Variants in GRIA1 observed in about 807,000 individuals in gnomAD.
GRIA1 encodes the protein glutamate ionotropic receptor AMPA type subunit 1.
A neutral mutation model predicts 99.2 loss-of-function variants in GRIA1; 31 were observed. That is an observed-to-expected ratio of 0.31 (90% CI 0.23 to 0.42). The LOEUF (loss-of-function observed/expected upper bound fraction) is 0.42, where lower values mean the gene tolerates loss of function less well. Among genes scored for constraint, GRIA1 ranks in the 10% least tolerant of loss-of-function variants. The pLI, the probability that GRIA1 is intolerant of heterozygous loss-of-function variation, is 1.00. For missense variants in GRIA1, 782 were observed against 1,157.5 expected (o/e 0.68, Z 4.71); for synonymous variants, 438 against 432.4 (o/e 1.01, Z -0.16).
intron 11 of GRIA1, among the ~76,000 whole-genome samples, chr5:153,739,952 A>G (rs1418048173): frequency 6.6e-6 from 1 of 152,248 alleles, no homozygotes; most frequent in Non-Finnish European, 1.5e-5. Flanking sequence ...CATTTCCATT[A>G]TGATTTATGA....
At chr5:153,693,013 G>A (rs561683559) in intron 8 of GRIA1, among the ~76,000 whole-genome samples, 2 of 152,220 alleles carry the variant, frequency 1.3e-5, no homozygotes, top group South Asian at 4.2e-4. Context: ...GATAATCCTA[G>A]GTGCTGTAAC....
chr5:153,506,659 C>T (rs1755535222), intron 2 of GRIA1, among the ~76,000 whole-genome samples: 1 of 152,074 alleles, frequency 6.6e-6, no homozygotes, highest in Non-Finnish European at 1.5e-5. Context: ...AATGCAAGCC[C>T]TCTGTTTAAT....
intron 2 of GRIA1, among the ~76,000 whole-genome samples, chr5:153,549,765 T>TTC (rs1759963100): frequency 6.6e-6 from 1 of 152,022 alleles, no homozygotes; most frequent in Non-Finnish European, 1.5e-5. Context: ...AGATCTTTTT[T>TTC]CTACTGTTAT....
chr5:153,502,437 T>A (rs1416384730), intron 2 of GRIA1, among the ~76,000 whole-genome samples: 6 of 152,218 alleles, frequency 3.9e-5, no homozygotes, highest in Non-Finnish European at 8.8e-5. Flanking sequence ...GGATGGTTAT[T>A]ACTGTGTAGC....
At chr5:153,664,955 A>G (rs528186263) in intron 5 of GRIA1, among the ~76,000 whole-genome samples, 3 of 152,280 alleles carry the variant, frequency 2.0e-5, no homozygotes, top group African/African-American at 7.2e-5. Flanking sequence ...TTGATCATGT[A>G]AAGGGTAGAT....
intron 11 of GRIA1, among the ~76,000 whole-genome samples, chr5:153,719,626 C>A (rs1759915711): frequency 6.6e-6 from 1 of 152,014 alleles, no homozygotes; most frequent in Non-Finnish European, 1.5e-5. Context: ...AGCTGTATCA[C>A]CTTTCATAAC....
chr5:153,572,697 A>T (rs1762217167), intron 2 of GRIA1, among the ~76,000 whole-genome samples: 1 of 152,150 alleles, frequency 6.6e-6, no homozygotes, highest in Admixed American at 6.5e-5. Context: ...TACTGATCAG[A>T]TCCAAAGAAG....
At chr5:153,732,064 G>A (rs1482920458) in intron 11 of GRIA1, among the ~76,000 whole-genome samples, 1 of 151,962 alleles carries the variant, frequency 6.6e-6, no homozygotes, top group African/African-American at 2.4e-5. Context: ...GTCACAAATT[G>A]TAGGATGTAC....
intron 2 of GRIA1, among the ~76,000 whole-genome samples, chr5:153,573,877 G>A (rs1324322031): frequency 6.6e-6 from 1 of 152,190 alleles, no homozygotes; most frequent in Admixed American, 6.6e-5. Context: ...CTCTGTCCCA[G>A]TCCAACCTTC....
At chr5:153,643,412 C>T (rs1035099898) in intron 2 of GRIA1, among the ~76,000 whole-genome samples, 4 of 152,166 alleles carry the variant, frequency 2.6e-5, no homozygotes, top group Non-Finnish European at 5.9e-5. Context: ...TCTACAGAAC[C>T]ATGTTATCTC....
At chr5:153,573,051 C>T (rs758638437) in intron 2 of GRIA1, among the ~76,000 whole-genome samples, 3 of 152,164 alleles carry the variant, frequency 2.0e-5, no homozygotes, top group Non-Finnish European at 4.4e-5. Flanking sequence ...AATAGGGCCA[C>T]GTTGAGTGAC....
intron 11 of GRIA1, 168 bp downstream of exon 11, chr5:153,706,235 A>T: frequency 1.5e-6 from 1 of 677,154 alleles, no homozygotes; most frequent in Non-Finnish European, 2.5e-6. Context: ...GCTGTGGATT[A>T]TCTGGATCAT....
intron 14 of GRIA1, among the ~76,000 whole-genome samples, chr5:153,798,653 G>A (rs1187329015): frequency 6.6e-6 from 1 of 152,204 alleles, no homozygotes; most frequent in East Asian, 1.9e-4. Flanking sequence ...GAAGTCACTG[G>A]TCTGACGGCC....
intron 4 of GRIA1, among the ~76,000 whole-genome samples, chr5:153,653,361 G>T (rs1354162275): frequency 3.3e-5 from 5 of 152,188 alleles, no homozygotes; most frequent in African/African-American, 1.2e-4. Context: ...CTGAGTGATG[G>T]ATGCTGAGCG....
intron 2 of GRIA1, among the ~76,000 whole-genome samples, chr5:153,621,193 G>A (rs13358432): frequency 0.026 from 3,987 of 152,184 alleles, 198 homozygotes; most frequent in African/African-American, 0.091. Flanking sequence ...GGCTTTCTGT[G>A]GCATCTATAT....
At chr5:153,493,851 A>G in intron 1 of GRIA1, 77 bp from the exon 2 acceptor site, 1 of 1,446,474 alleles carries the variant, frequency 6.9e-7, no homozygotes, top group East Asian at 2.3e-5. Flanking sequence ...GAAGAAAAGG[A>G]CTCATCTGGA....
intron 14 of GRIA1, among the ~76,000 whole-genome samples, chr5:153,800,044 A>G (rs1227086319): frequency 6.6e-6 from 1 of 152,176 alleles, no homozygotes; most frequent in Non-Finnish European, 1.5e-5. Flanking sequence ...GCTATCCACA[A>G]CCAAGGTAAA....
At chr5:153,659,993 G>C (rs1755241554) in intron 5 of GRIA1, among the ~76,000 whole-genome samples, 1 of 152,076 alleles carries the variant, frequency 6.6e-6, no homozygotes, top group East Asian at 1.9e-4. Context: ...ATACTACCGG[G>C]TTTTGGATGT....
At chr5:153,672,543 G>C (rs1756268431) in intron 5 of GRIA1, among the ~76,000 whole-genome samples, 1 of 151,750 alleles carries the variant, frequency 6.6e-6, no homozygotes, top group African/African-American at 2.4e-5. Context: ...CAAAAGCTCT[G>C]AGTGTGACTA....
Sources: allele counts gnomAD v4.1 joint callset (sites outside exome capture counted in the v4.1 genomes callset), GRCh38; gene constraint gnomAD v4.1.1; transcripts MANE v1.5; gene names NCBI Gene and HGNC (gene_info 2026-07-23, HGNC 2026-07-21).